SEZ6L: variants seen among roughly 807,000 people sequenced by gnomAD.
SEZ6L encodes seizure related 6 homolog like.
In SEZ6L, 37 loss-of-function variants were observed where a neutral mutation model predicts 106.2. The ratio of observed to expected loss-of-function variants is 0.35; its 90% CI spans 0.27 to 0.46. The LOEUF (loss-of-function observed/expected upper bound fraction) is 0.46, where lower values mean the gene tolerates loss of function less well. SEZ6L is among the 20% of genes least tolerant of loss of function. The pLI, the probability that SEZ6L is intolerant of heterozygous loss-of-function variation, is 1.00. For missense variants in SEZ6L, 1,172 were observed against 1,332.8 expected (o/e 0.88, Z 1.88); for synonymous variants, 541 against 570.4 (o/e 0.95, Z 0.73).
chr22:26,257,514 G>T (rs888969899), intron 1 of SEZ6L, among the ~76,000 whole-genome samples: 1 of 152,224 alleles, frequency 6.6e-6, no homozygotes, highest in African/African-American at 2.4e-5. Flanking sequence ...TAAGAAGAAT[G>T]TAATGGCAGA....
chr22:26,318,663 A>G (rs933550589), intron 9 of SEZ6L, among the ~76,000 whole-genome samples: 4 of 152,214 alleles, frequency 2.6e-5, no homozygotes, highest in African/African-American at 9.7e-5. Flanking sequence ...ACATTTAATT[A>G]TATCCTCTTG....
chr22:26,375,793 C>A, intron 15 of SEZ6L, 104 bp downstream of exon 15: 1 of 752,760 alleles, frequency 1.3e-6, no homozygotes, highest in South Asian at 1.8e-5. Flanking sequence ...ACCTGGAGCT[C>A]GGGCATAGTG....
chr22:26,338,866 TC>T (rs1273350979), intron 9 of SEZ6L, among the ~76,000 whole-genome samples: 85 of 115,724 alleles, frequency 7.3e-4, no homozygotes, highest in Non-Finnish European at 1.4e-3. Flanking sequence ...TTTTTTTTTT[TC>T]TTTTTTTTTT....
At chr22:26,292,206 A>G (rs2081147535) in intron 1 of SEZ6L, 200 bp from the exon 2 acceptor site, 2 of 508,418 alleles carry the variant, frequency 3.9e-6, no homozygotes, top group Non-Finnish European at 3.4e-6. Flanking sequence ...GAGGAAAAGA[A>G]GGAAGAAAAG....
chr22:26,263,960 C>T (rs1400494160), intron 1 of SEZ6L, among the ~76,000 whole-genome samples: 2 of 152,346 alleles, frequency 1.3e-5, no homozygotes, highest in South Asian at 2.1e-4. Context: ...CCTCTCAAAG[C>T]TCCAGCCAGA....
At chr22:26,220,849 A>G (rs2078443950) in intron 1 of SEZ6L, among the ~76,000 whole-genome samples, 1 of 152,136 alleles carries the variant, frequency 6.6e-6, no homozygotes, top group Non-Finnish European at 1.5e-5. Flanking sequence ...AGAAGGAGAA[A>G]GGAAGGGGGA....
chr22:26,373,357 G>A (rs1568956728), intron 13 of SEZ6L, 94 bp from the exon 14 acceptor site: 2 of 1,047,436 alleles, frequency 1.9e-6, no homozygotes, highest in South Asian at 2.8e-5. Flanking sequence ...CCAAAGCATG[G>A]CATGGGCTTT....
chr22:26,224,657 G>A (rs2078583717), intron 1 of SEZ6L, among the ~76,000 whole-genome samples: 1 of 152,204 alleles, frequency 6.6e-6, no homozygotes, highest in Non-Finnish European at 1.5e-5. Flanking sequence ...GGTGGTGGCA[G>A]TGGTGATGGA....
At chr22:26,247,857 G>A (rs1034740261) in intron 1 of SEZ6L, among the ~76,000 whole-genome samples, 8 of 152,182 alleles carry the variant, frequency 5.3e-5, no homozygotes, top group Non-Finnish European at 1.0e-4. Flanking sequence ...TCCATGCAAA[G>A]GTTGTAGAAC....
chr22:26,246,632 C>T (rs966781373), intron 1 of SEZ6L, among the ~76,000 whole-genome samples: 2 of 152,186 alleles, frequency 1.3e-5, no homozygotes, highest in African/African-American at 4.8e-5. Context: ...TCGTGCTCCT[C>T]CTTACAATGC....
intron 1 of SEZ6L, 59 bp from the exon 2 acceptor site, chr22:26,292,347 C>T: frequency 7.2e-7 from 1 of 1,384,474 alleles, no homozygotes; most frequent in Non-Finnish European, 1.0e-6. Context: ...CAGAGTCTGA[C>T]AGCAGGTGAA....
chr22:26,278,999 A>AGGAAGGAAGGAAAGAAAGAC (rs57017312), intron 1 of SEZ6L, among the ~76,000 whole-genome samples: 1 of 135,528 alleles, frequency 7.4e-6, no homozygotes, highest in Non-Finnish European at 1.6e-5. Flanking sequence ...GAAGGAAGGA[A>AGGAAGGAAGGAAAGAAAGAC]GGAAGGAAGG....
rs888402327 is a variant in SEZ6L at position 26,227,260 on chromosome 22, G to T, written c.94+57497G>T. 5.3e-5 allele frequency among the ~76,000 whole-genome samples: 8 copies of T among 151,924 alleles called. No homozygotes were observed. In the East Asian group the frequency reaches 1.4e-3, roughly 26 times the overall value. On this transcript the variant is annotated intron_variant, in intron 1 of 16. Transcript: ENST00000248933. ...GGCTGTGTGGCCGCTTAATTTCTCT[G>T]AGCCCCAATTTCCTCAAGCATAAAA... is the stretch of plus-strand genomic sequence containing the variant.
At chr22:26,243,977 A>G (rs902008469) in intron 1 of SEZ6L, among the ~76,000 whole-genome samples, 8 of 152,130 alleles carry the variant, frequency 5.3e-5, no homozygotes, top group Non-Finnish European at 1.0e-4. Context: ...AGCCTGGGCA[A>G]CATTGTGAAA....
intron 4 of SEZ6L, among the ~76,000 whole-genome samples, chr22:26,298,122 G>A (rs77923972): frequency 1.3e-5 from 2 of 152,176 alleles, no homozygotes; most frequent in African/African-American, 4.8e-5. Context: ...CTGCAAAGGG[G>A]AGTGTCCACT....
intron 12 of SEZ6L, among the ~76,000 whole-genome samples, chr22:26,359,678 G>T (rs780461902): frequency 6.6e-6 from 1 of 152,068 alleles, no homozygotes; most frequent in Non-Finnish European, 1.5e-5. Context: ...GATGGTGCAC[G>T]CCAGTGGTCC....
At chr22:26,338,273 C>G (rs914453726) in intron 9 of SEZ6L, among the ~76,000 whole-genome samples, 2 of 152,240 alleles carry the variant, frequency 1.3e-5, no homozygotes, top group Non-Finnish European at 2.9e-5. Context: ...CCCTGCAGAA[C>G]TCTGCAGGCT....
intron 5 of SEZ6L, among the ~76,000 whole-genome samples, chr22:26,300,947 G>C (rs539922232): frequency 5.9e-5 from 9 of 152,232 alleles, no homozygotes; most frequent in African/African-American, 1.7e-4. Context: ...GTTATTTGAT[G>C]CACAAAGCTT....
intron 1 of SEZ6L, among the ~76,000 whole-genome samples, chr22:26,219,688 G>A (rs952312796): frequency 2.4e-4 from 37 of 152,126 alleles, no homozygotes; most frequent in Non-Finnish European, 4.4e-4. Flanking sequence ...ATGTGAATAG[G>A]GAAGATGTAA....
Sources: gnomAD v4.1 joint callset for allele counts (sites outside exome capture counted in the v4.1 genomes callset) on GRCh38, gnomAD v4.1.1 for gene constraint, MANE v1.5 for transcripts, NCBI Gene and HGNC (gene_info 2026-07-23, HGNC 2026-07-21) for gene names.